CENPE: variants seen among roughly 807,000 people sequenced by gnomAD.
CENPE encodes the protein centromere-associated protein E.
A neutral mutation model predicts 336.1 loss-of-function variants in CENPE; 145 were observed. The observed-to-expected ratio is 0.43, with a 90% CI of 0.38 to 0.50. CENPE has a LOEUF of 0.50. Ranked by LOEUF, CENPE falls within the 20% of genes least tolerant of loss-of-function variation. The pLI is 0.00. For missense variants in CENPE, 2,719 were observed against 3,023.3 expected (o/e 0.90, Z 2.36); for synonymous variants, 1,013 against 984.8 (o/e 1.03, Z -0.54).
chr4:103,160,177 G>T (rs1021425191), intron 21 of CENPE, among the ~76,000 whole-genome samples: 3 of 151,772 alleles, frequency 2.0e-5, no homozygotes, highest in Non-Finnish European at 4.4e-5. Context: ...AAGAAAAACT[G>T]GCAGGCCATG....
At chr4:103,171,752 G>C (rs1453936112) in intron 16 of CENPE, among the ~76,000 whole-genome samples, 1 of 149,238 alleles carries the variant, frequency 6.7e-6, no homozygotes, top group Non-Finnish European at 1.5e-5. Context: ...CCTTTAGCTA[G>C]ACTAGGTAAA....
chr4:103,132,692 C>A lies in CENPE; in HGVS notation c.6924+1G>T, dbSNP rs1336207776. The A allele has an allele frequency of 6.8e-7, 1 of 1,460,494 alleles. No homozygotes were observed. Among genetic ancestry groups the A allele is most frequent in the Non-Finnish European group, 9.4e-7 (1 of 1,060,074 alleles). 90.5% of individuals were successfully genotyped at this position (1,460,494 alleles called of 1,614,324 possible). A position where few individuals can be genotyped will look rare whatever the true frequency, so the allele number is the denominator to read the frequency against. On this transcript the variant is annotated splice_donor_variant, in intron 42 of 48. Transcript: ENST00000265148. LOFTEE classifies it high-confidence loss of function. The stretch of plus-strand genomic sequence containing the variant: ...GTAGTACAGCAAAAAGTAATACTTA[C>A]AATTATTCTGTTATTAAAGAAGTTA...
chr4:103,126,917 T>A (rs978358849), intron 42 of CENPE, among the ~76,000 whole-genome samples: 7 of 151,356 alleles, frequency 4.6e-5, no homozygotes, highest in Non-Finnish European at 1.0e-4. Flanking sequence ...CTAAACAACA[T>A]CCTAGAAGTG....
intron 16 of CENPE, among the ~76,000 whole-genome samples, chr4:103,173,673 A>C (rs1755616568): frequency 8.6e-6 from 1 of 116,338 alleles, no homozygotes; most frequent in African/African-American, 2.7e-5. Flanking sequence ...TAAGAAACTA[A>C]AACAACTCAA....
intron 42 of CENPE, among the ~76,000 whole-genome samples, chr4:103,128,181 A>G (rs1022220128): frequency 1.3e-5 from 2 of 152,226 alleles, no homozygotes; most frequent in Admixed American, 1.3e-4. Flanking sequence ...ATAAAGGGAC[A>G]TTACGTAGTG....
chr4:103,194,546 T>C (rs1260161084), intron 6 of CENPE, 57 bp downstream of exon 6: 19 of 1,498,624 alleles, frequency 1.3e-5, no homozygotes, highest in African/African-American at 2.8e-5. Context: ...CCAAACGTGC[T>C]TGATTGAAAA....
rs1753169950 is a variant in CENPE, at chr4:103,147,628, C to T, written c.3862G>A (p.Glu1288Lys). The part of the protein sequence containing the change: ...LQEEIPVLHE[E>K]QELLPNVKEV... Reference sequence around the variant, plus strand: ...TTCACATTAGGCAGTAACTCTTGTTCCTCATGAAGCACTGGGATCTTAGGA... The same window carrying T: ...TTCACATTAGGCAGTAACTCTTGTTTCTCATGAAGCACTGGGATCTTAGGA... The change falls in exon 29 of 49, where the codon GAA (glutamate) becomes AAA (lysine). Residue 1288 changes from glutamate (E) to lysine (K), a missense_variant. Transcript: ENST00000265148. The T allele has an allele frequency of 6.2e-7, 1 of 1,611,706 alleles. No individual in the cohort carries two copies. Among genetic ancestry groups the T allele is most frequent in the African/African-American group, 1.3e-5 (1 of 74,996 alleles).
chr4:103,167,186 C>T (rs998570831), intron 16 of CENPE, among the ~76,000 whole-genome samples: 1 of 152,092 alleles, frequency 6.6e-6, no homozygotes, highest in African/African-American at 2.4e-5. Context: ...TAATATGTAG[C>T]ATCCATATAT....
At chr4:103,167,167 G>T (rs1261671925) in intron 16 of CENPE, among the ~76,000 whole-genome samples, 1 of 152,004 alleles carries the variant, frequency 6.6e-6, no homozygotes, top group African/African-American at 2.4e-5. Flanking sequence ...TAAAGAAAAA[G>T]AAATCCATTA....
chr4:103,141,744 A>G lies in CENPE; in HGVS notation c.5463+6T>C, dbSNP rs776895558. On this transcript the variant is annotated splice_donor_region_variant and intron_variant, in intron 35 of 48. Transcript: ENST00000265148. ...ATCCAATCAAACAATCCCCCCATAA[A>G]AATACCTTTTCTTGTAATTTAGCAT... is the stretch of plus-strand genomic sequence containing the variant. The G allele has an allele frequency of 1.3e-6, 2 of 1,503,058 alleles. No homozygotes were observed. The highest frequency in any genetic ancestry group is 4.6e-5 in the East Asian group (2 of 43,086). 93.1% of individuals were successfully genotyped at this position (1,503,058 alleles called of 1,614,324 possible). A position where few individuals can be genotyped will look rare whatever the true frequency, so the allele number is the denominator to read the frequency against.
intron 43 of CENPE, 26 bp downstream of exon 43, chr4:103,122,845 A>G: frequency 7.1e-6 from 11 of 1,549,216 alleles, no homozygotes; most frequent in Non-Finnish European, 9.8e-6. Context: ...TGCAAACTGA[A>G]GAACATTTTA....
rs759997551 is a variant in CENPE at position 103,141,889 on chromosome 4, T to C, written c.5324A>G (p.Glu1775Gly). The C allele has an allele frequency of 1.0e-5, 16 of 1,597,012 alleles. No individual in the cohort carries two copies. Among genetic ancestry groups the C allele is most frequent in the Non-Finnish European group, 1.4e-5 (16 of 1,171,288 alleles). ...LKAQDLKIQE[E>G]LRIAHMHLKE... ...CAGATGCATGTGAGCAATTCTTAGTTCCTCTTGTATTTTCAGATCCTTTAC... is the reference window on the plus strand; with the variant it reads ...CAGATGCATGTGAGCAATTCTTAGTCCCTCTTGTATTTTCAGATCCTTTAC... Residue 1775 changes from glutamate to glycine, a missense_variant, in exon 35 of 49, where the codon GAA becomes GGA. Physicochemically the swap from Glu to Gly is moderately conservative, Grantham distance 98. Around this residue, in one of 5 missense-constraint regions of CENPE, gnomAD observed 2,437 missense variants for 2,513.3 expected, o/e 0.97. Transcript: ENST00000265148.
At chr4:103,112,007 T>C (rs1200879466) in intron 46 of CENPE, among the ~76,000 whole-genome samples, 2 of 151,894 alleles carry the variant, frequency 1.3e-5, no homozygotes, top group Non-Finnish European at 2.9e-5. Flanking sequence ...AATAAGTGTA[T>C]ATGTATATAC....
Position 103,195,987 on chromosome 4 carries a change from A to T in CENPE, c.290T>A (p.Met97Lys). The change falls in exon 4 of 49, where the codon ATG becomes AAG. Residue 97 changes from methionine to lysine, a missense_variant. Transcript: ENST00000265148. ...QTASGKTYTM[M>K]GSEDHLGVIP... The stretch of plus-strand genomic sequence containing the variant: ...AACTCCCAAATGATCTTCTGAACCC[A>T]TCATGGTATATGTTTTTCCTGAAGC... 6.2e-7 allele frequency: 1 copy of T among 1,613,872 alleles called. No individual in the cohort carries two copies. Among genetic ancestry groups the T allele is most frequent in the Non-Finnish European group, 8.5e-7 (1 of 1,179,808 alleles).
rs1309359226 is a variant in CENPE at position 103,131,659 on chromosome 4, T to C, written c.6924+1034A>G. Among the ~76,000 whole-genome samples the C allele has an allele frequency of 2.0e-5, 3 of 152,244 alleles. 1 individual carries two copies. The highest frequency in any genetic ancestry group is 7.2e-5 in the African/African-American group (3 of 41,468). On this transcript the variant is annotated intron_variant, in intron 42 of 48. Coordinates refer to ENST00000265148, the MANE Select transcript of CENPE (RefSeq NM_001813.3). ...CACACAAAAAGATACATATGTATGTTTATAGCAGCTGAATTCATAATTGCC... is the reference window on the plus strand; with the variant it reads ...CACACAAAAAGATACATATGTATGTCTATAGCAGCTGAATTCATAATTGCC...
chr4:103,116,511 A>G (rs2125853146), intron 45 of CENPE, 66 bp downstream of exon 45: 1 of 659,906 alleles, frequency 1.5e-6, no homozygotes, highest in South Asian at 2.6e-5. Context: ...ACTAATGAAA[A>G]GTATATGTAG....
chr4:103,178,130 T>C (rs1756036462), intron 13 of CENPE, among the ~76,000 whole-genome samples: 1 of 151,272 alleles, frequency 6.6e-6, no homozygotes, highest in Non-Finnish European at 1.5e-5. Context: ...AAATTTGAGG[T>C]CAATGTTCTC....
At chr4:103,119,154 G>A (rs1246732113) in intron 44 of CENPE, among the ~76,000 whole-genome samples, 6 of 151,904 alleles carry the variant, frequency 3.9e-5, no homozygotes, top group Non-Finnish European at 8.8e-5. Flanking sequence ...CACCACTTGA[G>A]ATATAATATA....
intron 36 of CENPE, 45 bp from the exon 37 acceptor site, chr4:103,140,459 C>A (rs371800414): frequency 7.8e-7 from 1 of 1,277,370 alleles, no homozygotes; most frequent in Non-Finnish European, 1.1e-6. Context: ...TATAAAGGCA[C>A]GTTACCTTTA....
Sources: allele counts gnomAD v4.1 joint callset (sites outside exome capture counted in the v4.1 genomes callset), GRCh38; gene constraint gnomAD v4.1.1; regional missense constraint gnomAD v4.1.1; transcripts MANE v1.5; gene names NCBI Gene and HGNC (gene_info 2026-07-23, HGNC 2026-07-21).